Variants in ZDHHC3 observed in about 807,000 individuals in gnomAD.
ZDHHC3 encodes the protein zDHHC palmitoyltransferase 3, also known as palmitoyltransferase ZDHHC3.
Under a neutral mutation model 30.6 loss-of-function variants are expected in ZDHHC3, and 9 were observed. That is an observed-to-expected ratio of 0.29 (90% CI 0.18 to 0.51). The LOEUF is 0.51. Among genes scored for constraint, ZDHHC3 ranks in the 20% least tolerant of loss-of-function variants. The pLI is 0.97. For missense variants in ZDHHC3, 246 were observed against 384.2 expected (o/e 0.64, Z 3.01); for synonymous variants, 136 against 140.2 (o/e 0.97, Z 0.21).
At position 44,920,773 on chromosome 3, in the gene ZDHHC3, T is replaced by C. The variant is rs1412985175; in HGVS notation, c.*5916A>G. 2.0e-6 allele frequency: 2 copies of C among 985,314 alleles called. No homozygotes were observed. The highest frequency in any genetic ancestry group is 1.7e-5 in the African/African-American group (1 of 57,232). 61.0% of individuals were successfully genotyped at this position (985,314 alleles called of 1,614,324 possible). A position where few individuals can be genotyped will look rare whatever the true frequency, so the allele number is the denominator to read the frequency against. On this transcript the variant is annotated 3_prime_UTR_variant, in exon 7 of 7. Coordinates refer to ENST00000424952, the MANE Select transcript of ZDHHC3 (RefSeq NM_001135179.2). Reference sequence around the variant, plus strand: ...CTCCCAGATAGGCACTCTTGGATTATACTCAACCTCCTCACCAACCTCATA... The same window carrying C: ...CTCCCAGATAGGCACTCTTGGATTACACTCAACCTCCTCACCAACCTCATA...
At chr3:44,957,380 T>C (rs1704045983) in intron 2 of ZDHHC3, among the ~76,000 whole-genome samples, 3 of 152,204 alleles carry the variant, frequency 2.0e-5, no homozygotes, top group African/African-American at 4.8e-5. Flanking sequence ...TCAGGAAACA[T>C]GGCTATTCAT....
intron 2 of ZDHHC3, among the ~76,000 whole-genome samples, chr3:44,946,545 T>C (rs1245615923): frequency 6.6e-6 from 1 of 152,158 alleles, no homozygotes; most frequent in Non-Finnish European, 1.5e-5. Flanking sequence ...GTAAAAGAGG[T>C]TACATGCTGT....
Position 44,920,624 on chromosome 3 carries a change from T to C in ZDHHC3, c.*6065A>G. 2.0e-6 allele frequency: 2 copies of C among 985,454 alleles called. No homozygotes were observed. The highest frequency in any genetic ancestry group is 2.4e-6 in the Non-Finnish European group (2 of 829,932). 61.0% of individuals were successfully genotyped at this position (985,454 alleles called of 1,614,324 possible). A position where few individuals can be genotyped will look rare whatever the true frequency, so the allele number is the denominator to read the frequency against. On this transcript the variant is annotated 3_prime_UTR_variant, in exon 7 of 7. Coordinates refer to ENST00000424952, the MANE Select transcript of ZDHHC3 (RefSeq NM_001135179.2). ...ACTGGAACCAGAACTAGTGTCTTTT[T>C]TTCTGCCCAACAGGTTTCCAGTTCT... is the stretch of plus-strand genomic sequence containing the variant.
chr3:44,962,155 G>T (rs923039049), intron 1 of ZDHHC3, among the ~76,000 whole-genome samples: 3 of 151,784 alleles, frequency 2.0e-5, no homozygotes, highest in African/African-American at 7.3e-5. Flanking sequence ...CTATCAAACT[G>T]TTTTTTTTAT....
At position 44,927,286 on chromosome 3, in the gene ZDHHC3, G is replaced by A. The variant is rs139638578; in HGVS notation, c.742-439C>T. ...GGAGCTCGCAATCATCATAACCAAT[G>A]ATGGCCATTAATTTGGGATAGGTTC... is the stretch of plus-strand genomic sequence containing the variant. On this transcript the variant is annotated intron_variant, in intron 6 of 6. Coordinates refer to ENST00000424952, the MANE Select transcript of ZDHHC3 (RefSeq NM_001135179.2). Among the ~76,000 whole-genome samples the A allele has an allele frequency of 7.9e-4, 121 of 152,292 alleles. 1 individual carries two copies. Among genetic ancestry groups the A allele is most frequent in the African/African-American group, 2.8e-3 (117 of 41,550 alleles).
chr3:44,945,469 T>C, intron 2 of ZDHHC3, 177 bp from the exon 3 acceptor site: 2 of 929,688 alleles, frequency 2.2e-6, no homozygotes, highest in Non-Finnish European at 3.1e-6. Context: ...GGAATATTTA[T>C]TGACCAAAAA....
chr3:44,965,487 T>C (rs1704863300), intron 1 of ZDHHC3, among the ~76,000 whole-genome samples: 1 of 152,178 alleles, frequency 6.6e-6, no homozygotes, highest in Non-Finnish European at 1.5e-5. Flanking sequence ...CCCATCCCAC[T>C]GTGGCACTTC....
At chr3:44,974,083 A>G (rs1278607503) in intron 1 of ZDHHC3, among the ~76,000 whole-genome samples, 25 of 152,266 alleles carry the variant, frequency 1.6e-4, no homozygotes, top group Admixed American at 1.6e-3. Context: ...ATGTTCTGGC[A>G]GCATTTAAGC....
chr3:44,937,358 C>T (rs562440066), intron 3 of ZDHHC3, among the ~76,000 whole-genome samples: 12 of 151,772 alleles, frequency 7.9e-5, no homozygotes, highest in East Asian at 5.9e-4. Context: ...GCGGGAGAAT[C>T]GCTTGAGCCT....
chr3:44,920,185 A>T lies in ZDHHC3; in HGVS notation c.*6504T>A. 1 of 1,288,532 alleles carries T rather than the reference A, an allele frequency of 7.8e-7. No individual in the cohort carries two copies. The highest frequency in any genetic ancestry group is 1.2e-5 in the South Asian group (1 of 80,990). The allele number at this position is 1,288,532 out of a possible 1,614,324, so 79.8% of individuals were successfully genotyped here. On this transcript the variant is annotated 3_prime_UTR_variant, in exon 7 of 7. Transcript: ENST00000424952. ...AATGGATCTTGTTGACACAAGTCTA[A>T]AGGGACCTTCATGTGGGTCATGAGC...
intron 1 of ZDHHC3, among the ~76,000 whole-genome samples, chr3:44,971,794 T>C (rs561536250): frequency 6.6e-6 from 1 of 152,214 alleles, no homozygotes; most frequent in South Asian, 2.1e-4. Flanking sequence ...TCTATCACTG[T>C]AATCTCAAGT....
chr3:44,956,607 A>G (rs1703980577), intron 2 of ZDHHC3, among the ~76,000 whole-genome samples: 1 of 152,196 alleles, frequency 6.6e-6, no homozygotes, highest in Non-Finnish European at 1.5e-5. Context: ...CCCAGCCATC[A>G]GTACTTTTAA....
chr3:44,956,811 A>G (rs530030814), intron 2 of ZDHHC3, among the ~76,000 whole-genome samples: 37 of 152,174 alleles, frequency 2.4e-4, no homozygotes, highest in African/African-American at 8.7e-4. Context: ...TGCAAGCACA[A>G]TGCAAATCAG....
At chr3:44,946,014 A>G (rs1446959635) in intron 2 of ZDHHC3, among the ~76,000 whole-genome samples, 2 of 152,214 alleles carry the variant, frequency 1.3e-5, no homozygotes, top group Non-Finnish European at 2.9e-5. Flanking sequence ...AAATTTCCTG[A>G]TAACAGCTTC....
intron 1 of ZDHHC3, among the ~76,000 whole-genome samples, chr3:44,971,220 A>C (rs1487172926): frequency 2.0e-5 from 3 of 152,246 alleles, no homozygotes; most frequent in African/African-American, 7.2e-5. Context: ...ATCTCCACTG[A>C]CCTTGAATAG....
chr3:44,963,112 T>G (rs1253333578), intron 1 of ZDHHC3, among the ~76,000 whole-genome samples: 2 of 152,218 alleles, frequency 1.3e-5, no homozygotes, highest in Non-Finnish European at 2.9e-5. Flanking sequence ...TGTGACCATA[T>G]TCTGCATGGT....
chr3:44,955,072 C>T (rs900998977), intron 2 of ZDHHC3, among the ~76,000 whole-genome samples: 13 of 152,280 alleles, frequency 8.5e-5, no homozygotes, highest in African/African-American at 2.9e-4. Flanking sequence ...AAGGAGAAGG[C>T]GTCAGGAGAC....
chr3:44,975,893 A>C (rs933121225), intron 1 of ZDHHC3, 40 bp downstream of exon 1: 1 of 174,946 alleles, frequency 5.7e-6, no homozygotes, highest in Non-Finnish European at 1.2e-5. Context: ...GCCTCACCCC[A>C]GCTTCTTCAC....
At chr3:44,932,285 T>C (rs1375671097) in intron 5 of ZDHHC3, among the ~76,000 whole-genome samples, 2 of 152,158 alleles carry the variant, frequency 1.3e-5, no homozygotes, top group African/African-American at 4.8e-5. Context: ...CTCTATTGTC[T>C]GCTGGCTTGA....
Sources: allele counts gnomAD v4.1 joint callset (sites outside exome capture counted in the v4.1 genomes callset), GRCh38; gene constraint gnomAD v4.1.1; transcripts MANE v1.5; gene names NCBI Gene and HGNC (gene_info 2026-07-23, HGNC 2026-07-21).